The following TRANK1 variants were observed in gnomAD, a reference collection of about 807,000 sequenced individuals.
TRANK1 encodes the protein tetratricopeptide repeat and ankyrin repeat containing 1, also known as TPR and ankyrin repeat-containing protein 1.
Under a neutral mutation model 266.0 loss-of-function variants are expected in TRANK1, and 198 were observed. That is an observed-to-expected ratio of 0.74 (90% CI 0.66 to 0.84). TRANK1 has a LOEUF of 0.84. Among genes scored for constraint, TRANK1 ranks in the 40% least tolerant of loss-of-function variants. The pLI is 0.00. For missense variants in TRANK1, 3,326 were observed against 3,634.6 expected, an observed-to-expected ratio of 0.92 and a Z score of 2.18; for synonymous variants, 1,396 against 1,384.1, an observed-to-expected ratio of 1.01 and a Z score of -0.19.
intron 8 of TRANK1, 96 bp downstream of exon 8, chr3:36,889,733 G>T (rs1333093353): frequency 4.9e-6 from 7 of 1,423,046 alleles, no homozygotes; most frequent in Non-Finnish European, 6.4e-6. Flanking sequence ...GCCAGCTAGG[G>T]ATAGAATGGG....
In TRANK1 at chr3:36,918,600, AAG is replaced by A. The variant is rs2080168634; in HGVS notation, c.24-10148_24-10147del. Among the ~76,000 whole-genome samples, 17 of 135,200 alleles carry A rather than the reference AAG, an allele frequency of 1.3e-4. 1 individual carries two copies. Among genetic ancestry groups the A allele is most frequent in the East Asian group, 6.3e-4 (3 of 4,794 alleles). The allele number at this position is 135,200 out of a possible 152,430, so 88.7% of individuals were successfully genotyped here. On this transcript the variant is annotated intron_variant, in intron 1 of 23. Transcript: ENST00000645898. ...GAAGGAAGGAAGGAAGGAAGGAAGG[AAG>A]GAAGGAAAGAAAGAAAGAAAGAAAG... is the stretch of plus-strand genomic sequence containing the variant.
At chr3:36,943,314 G>A (rs2080523016) in intron 1 of TRANK1, among the ~76,000 whole-genome samples, 1 of 152,014 alleles carries the variant, frequency 6.6e-6, no homozygotes, top group Non-Finnish European at 1.5e-5. Context: ...GCGTATATAT[G>A]TATATATAAT....
chr3:36,886,278 G>A (rs772200811), intron 8 of TRANK1, among the ~76,000 whole-genome samples: 33 of 151,474 alleles, frequency 2.2e-4, no homozygotes, highest in Non-Finnish European at 4.3e-4. Context: ...GGGACTACAG[G>A]TGCCCACCAC....
chr3:36,915,302 G>A (rs998344797), intron 1 of TRANK1, among the ~76,000 whole-genome samples: 1 of 152,172 alleles, frequency 6.6e-6, no homozygotes, highest in African/African-American at 2.4e-5. Flanking sequence ...TATTCATAGT[G>A]ATGTTTTGAT....
intron 20 of TRANK1, among the ~76,000 whole-genome samples, chr3:36,837,042 T>C (rs894038530): frequency 6.6e-6 from 1 of 152,226 alleles, no homozygotes; most frequent in Non-Finnish European, 1.5e-5. Flanking sequence ...TCATTTACCA[T>C]TTCTTGTGGT....
chr3:36,901,304 G>A lies in TRANK1; in HGVS notation c.282+1845C>T, dbSNP rs568725615. ...GACTGCCATAAATCTTCTCTCCCAG[G>A]GAAGTTTTATGGCCATGAAGAAGAG... On this transcript the variant is annotated intron_variant, in intron 3 of 23. Transcript: ENST00000645898. Among the ~76,000 whole-genome samples, 3 of 152,124 alleles carry A rather than the reference G, an allele frequency of 2.0e-5. No homozygotes were observed. The East Asian group carries it at 5.8e-4, about 29-fold the overall frequency.
chr3:36,872,640 G>A (rs962473667), intron 9 of TRANK1, among the ~76,000 whole-genome samples: 2 of 152,072 alleles, frequency 1.3e-5, no homozygotes, highest in African/African-American at 4.8e-5. Context: ...AATTATAAAA[G>A]GAGAAGTTTT....
intron 8 of TRANK1, among the ~76,000 whole-genome samples, chr3:36,874,872 G>A (rs757782334): frequency 2.0e-5 from 3 of 152,044 alleles, no homozygotes; most frequent in African/African-American, 7.3e-5. Context: ...AATGAAACAG[G>A]TATATCCCTG....
chr3:36,833,415 G>T lies in TRANK1; in HGVS notation c.6168C>A (p.Leu2056=). 1 of 1,613,848 alleles carries T rather than the reference G, an allele frequency of 6.2e-7. No homozygotes were observed. Among genetic ancestry groups the T allele is most frequent in the South Asian group, 1.1e-5 (1 of 91,048 alleles). The part of the protein sequence containing the change: ...LRDAFFKFDT[L]NHSAGVVEAL... ...CTTCCACCACTCCAGCTGAGTGGTTGAGCGTGTCAAACTTGAAGAAGGCAT... is the reference window on the plus strand; with the variant it reads ...CTTCCACCACTCCAGCTGAGTGGTTTAGCGTGTCAAACTTGAAGAAGGCAT... The change falls in exon 22 of 24, where the codon CTC becomes CTA. Residue 2056 remains leucine (L), a synonymous_variant. Transcript: ENST00000645898.
intron 8 of TRANK1, among the ~76,000 whole-genome samples, chr3:36,888,688 G>C (rs190674250): frequency 5.3e-5 from 8 of 152,304 alleles, no homozygotes; most frequent in African/African-American, 1.9e-4. Flanking sequence ...GAGGCCTTCA[G>C]GCTGGTTCTA....
At chr3:36,848,323 T>TA (rs2078942195) in intron 15 of TRANK1, among the ~76,000 whole-genome samples, 1 of 152,160 alleles carries the variant, frequency 6.6e-6, no homozygotes, top group South Asian at 2.1e-4. Flanking sequence ...CCACATGCCA[T>TA]AAAAAAACTC....
intron 1 of TRANK1, among the ~76,000 whole-genome samples, chr3:36,927,164 A>C (rs529058739): frequency 3.1e-4 from 47 of 152,254 alleles, no homozygotes; most frequent in African/African-American, 1.1e-3. Context: ...CAACCCAGGG[A>C]CTGAGGCCCA....
Position 36,906,432 on chromosome 3 carries a change from C to A in TRANK1, c.155+1891G>T, listed in dbSNP as rs965876001. 2.0e-5 allele frequency among the ~76,000 whole-genome samples: 3 copies of A among 152,194 alleles called. No individual in the cohort carries two copies. The South Asian group carries it at 6.2e-4, about 31-fold the overall frequency. ...GTGATCCACAAGGTGAAAATACTTT[C>A]ACAGTTGTGGTAAGCTGAATAATGG... On this transcript the variant is annotated intron_variant, in intron 2 of 23. Transcript: ENST00000645898.
chr3:36,922,860 C>T (rs751775969), intron 1 of TRANK1, among the ~76,000 whole-genome samples: 7 of 152,092 alleles, frequency 4.6e-5, no homozygotes, highest in South Asian at 2.1e-4. Context: ...CATAGTCATA[C>T]GTGGCTAGTA....
intron 1 of TRANK1, among the ~76,000 whole-genome samples, chr3:36,911,757 C>A (rs2080055905): frequency 6.6e-6 from 1 of 152,052 alleles, no homozygotes; most frequent in Admixed American, 6.5e-5. Context: ...AAAAAACTGA[C>A]CAACTGATGA....
chr3:36,879,625 T>A (rs866652261), intron 8 of TRANK1, among the ~76,000 whole-genome samples: 10 of 105,814 alleles, frequency 9.5e-5, no homozygotes, highest in African/African-American at 3.3e-4. Flanking sequence ...CAAATATATA[T>A]AAATATATAT....
chr3:36,853,061 C>T (rs2079006583), intron 13 of TRANK1, among the ~76,000 whole-genome samples: 1 of 152,136 alleles, frequency 6.6e-6, no homozygotes, highest in Admixed American at 6.5e-5. Flanking sequence ...TTCCTGGGTC[C>T]CATTTCTTCT....
chr3:36,922,159 A>C (rs2080224678), intron 1 of TRANK1, among the ~76,000 whole-genome samples: 1 of 151,940 alleles, frequency 6.6e-6, no homozygotes, highest in Non-Finnish European at 1.5e-5. Context: ...AAAAATAATA[A>C]TAATAATAAA....
At chr3:36,913,070 C>G (rs2080075394) in intron 1 of TRANK1, among the ~76,000 whole-genome samples, 1 of 123,948 alleles carries the variant, frequency 8.1e-6, no homozygotes, top group African/African-American at 3.3e-5. Context: ...GTGATGGAGT[C>G]TCACTCTGTC....
Sources: allele counts gnomAD v4.1 joint callset (sites outside exome capture counted in the v4.1 genomes callset), GRCh38; gene constraint gnomAD v4.1.1; transcripts MANE v1.5; gene names NCBI Gene and HGNC (gene_info 2026-07-23, HGNC 2026-07-21).